FAM135B: variants seen among roughly 807,000 people sequenced by gnomAD.
The protein encoded by FAM135B is family with sequence similarity 135 member B, also known as protein FAM135B.
Under a neutral mutation model 127.7 loss-of-function variants are expected in FAM135B, and 43 were observed. The ratio of observed to expected loss-of-function variants is 0.34; its 90% CI spans 0.26 to 0.43. FAM135B has a LOEUF of 0.43. Ranked by LOEUF, FAM135B falls within the 20% of genes least tolerant of loss-of-function variation. The pLI is 1.00. For synonymous variants in FAM135B, 670 were observed against 665.1 expected (o/e 1.01, Z -0.11); for missense variants, 1,558 against 1,725.6 (o/e 0.90, Z 1.72).
rs73715549 is a variant in FAM135B at position 138,232,340 on chromosome 8, C to T, written c.669+10602G>A. Among the ~76,000 whole-genome samples, 1,423 of 152,288 alleles carry T rather than the reference C, an allele frequency of 9.3e-3. 20 individuals are homozygous for T. Among genetic ancestry groups the T allele is most frequent in the African/African-American group, 0.031 (1,270 of 41,560 alleles). ...CATGCCCAGAAATACTGGTGTGGAG[C>T]ATGGCTTCAGAAGGCAGACAATGTG... On this transcript the variant is annotated intron_variant, in intron 7 of 19. Coordinates refer to ENST00000395297, the MANE Select transcript of FAM135B (RefSeq NM_015912.4).
rs367856328 is a variant in FAM135B, at chr8:138,424,760, A to T, written c.-19-56758T>A. Among the ~76,000 whole-genome samples the T allele has an allele frequency of 5.9e-5, 9 of 152,314 alleles. No individual in the cohort carries two copies. In the East Asian group the frequency reaches 7.7e-4, roughly 13 times the overall value. ...TAGTGCCTCTACTTATTGGATACTT[A>T]GTTGTTGTCTCAATAAATAAACTGA... On this transcript the variant is annotated intron_variant, in intron 1 of 19. Coordinates refer to ENST00000395297, the MANE Select transcript of FAM135B (RefSeq NM_015912.4).
intron 1 of FAM135B, among the ~76,000 whole-genome samples, chr8:138,421,630 T>C (rs1834516409): frequency 6.6e-6 from 1 of 152,052 alleles, no homozygotes; most frequent in Non-Finnish European, 1.5e-5. Flanking sequence ...CTGAAAAAAG[T>C]CAGAAATGAC....
intron 3 of FAM135B, among the ~76,000 whole-genome samples, chr8:138,285,540 A>G (rs1030719446): frequency 1.3e-5 from 2 of 152,200 alleles, no homozygotes; most frequent in African/African-American, 4.8e-5. Context: ...GGACGTATAC[A>G]ATAATATCAA....
intron 2 of FAM135B, among the ~76,000 whole-genome samples, chr8:138,350,031 G>A (rs1349195778): frequency 6.6e-6 from 1 of 152,152 alleles, no homozygotes; most frequent in East Asian, 1.9e-4. Flanking sequence ...GTTCAGATGA[G>A]AGAGATTAAG....
chr8:138,349,591 T>C (rs1034283822), intron 2 of FAM135B, among the ~76,000 whole-genome samples: 4 of 152,166 alleles, frequency 2.6e-5, no homozygotes, highest in African/African-American at 9.7e-5. Flanking sequence ...ACATTTGACA[T>C]ACGGCTGGCC....
rs563631832 is a variant in FAM135B at position 138,306,052 on chromosome 8, C to A, written c.157+4789G>T. ...ATGAAGTTTCTGAAAATCCCCATCA[C>A]ACTTTTACTAAGAAAAATTTATGTT... On this transcript the variant is annotated intron_variant, in intron 3 of 19. Transcript: ENST00000395297. Among the ~76,000 whole-genome samples, 166 of 152,282 alleles carry A rather than the reference C, an allele frequency of 1.1e-3. 1 individual carries two copies. Among genetic ancestry groups the A allele is most frequent in the African/African-American group, 3.8e-3 (157 of 41,560 alleles).
At chr8:138,398,240 T>C (rs565609711) in intron 1 of FAM135B, among the ~76,000 whole-genome samples, 1 of 152,320 alleles carries the variant, frequency 6.6e-6, no homozygotes, top group East Asian at 1.9e-4. Context: ...AGCAAGGTGC[T>C]TGACCCCCAG....
chr8:138,288,872 C>T (rs575932959), intron 3 of FAM135B, among the ~76,000 whole-genome samples: 3 of 152,308 alleles, frequency 2.0e-5, no homozygotes, highest in South Asian at 2.1e-4. Flanking sequence ...ATCTAACTTG[C>T]TGAGCTTTGG....
intron 2 of FAM135B, among the ~76,000 whole-genome samples, chr8:138,337,039 CT>C: frequency 6.6e-6 from 1 of 152,230 alleles, no homozygotes; most frequent in South Asian, 2.1e-4. Context: ...CAGAAAAGGC[CT>C]TTGACAAAAT....
intron 1 of FAM135B, among the ~76,000 whole-genome samples, chr8:138,494,834 T>C (rs1266148968): frequency 8.5e-6 from 1 of 117,248 alleles, no homozygotes; most frequent in African/African-American, 5.4e-5. Flanking sequence ...CTGTTTATAC[T>C]GTAAAAAAAA....
At chr8:138,156,108 A>G (rs919490660) in intron 12 of FAM135B, among the ~76,000 whole-genome samples, 61 of 152,224 alleles carry the variant, frequency 4.0e-4, no homozygotes, top group African/African-American at 1.2e-3. Context: ...CTCAGACCAT[A>G]GTGCAATCAA....
chr8:138,313,922 C>T (rs1826882432), intron 2 of FAM135B, among the ~76,000 whole-genome samples: 2 of 151,418 alleles, frequency 1.3e-5, no homozygotes, highest in South Asian at 2.1e-4. Context: ...CACTCGGGTG[C>T]CCAACTGAGG....
At chr8:138,138,788 C>T (rs930438459) in intron 18 of FAM135B, among the ~76,000 whole-genome samples, 198 bp downstream of exon 18, 1 of 152,226 alleles carries the variant, frequency 6.6e-6, no homozygotes, top group Non-Finnish European at 1.5e-5. Flanking sequence ...CTCTCACGTG[C>T]CATATGGGCA....
chr8:138,249,934 G>T (rs575058961), intron 6 of FAM135B, among the ~76,000 whole-genome samples: 3 of 152,314 alleles, frequency 2.0e-5, no homozygotes, highest in African/African-American at 7.2e-5. Flanking sequence ...ATGAAGACAG[G>T]TGAGCATGGT....
At chr8:138,278,515 A>G (rs1824006909) in intron 3 of FAM135B, among the ~76,000 whole-genome samples, 3 of 150,498 alleles carry the variant, frequency 2.0e-5, no homozygotes. Flanking sequence ...CTGGGGGAGA[A>G]CTGAAAGGTT....
intron 1 of FAM135B, among the ~76,000 whole-genome samples, chr8:138,389,580 C>T (rs2131319332): frequency 6.6e-6 from 1 of 152,274 alleles, no homozygotes; most frequent in South Asian, 2.1e-4. Flanking sequence ...AGGACAAACA[C>T]TGTATGATTT....
At chr8:138,138,588 C>T (rs1816859952) in intron 18 of FAM135B, among the ~76,000 whole-genome samples, 1 of 152,232 alleles carries the variant, frequency 6.6e-6, no homozygotes, top group Non-Finnish European at 1.5e-5. Context: ...GACAATGACC[C>T]CCGTCTCCCA....
chr8:138,403,038 A>C (rs1833239365), intron 1 of FAM135B, among the ~76,000 whole-genome samples: 1 of 152,200 alleles, frequency 6.6e-6, no homozygotes, highest in Non-Finnish European at 1.5e-5. Flanking sequence ...TAAATGGCAA[A>C]TCAGCTCGTA....
At chr8:138,481,118 C>G (rs1814762501) in intron 1 of FAM135B, among the ~76,000 whole-genome samples, 1 of 152,208 alleles carries the variant, frequency 6.6e-6, no homozygotes, top group Non-Finnish European at 1.5e-5. Flanking sequence ...CTGCCTTGCT[C>G]TCAACAGCAT....
Sources: gnomAD v4.1 joint callset for allele counts (sites outside exome capture counted in the v4.1 genomes callset) on GRCh38, gnomAD v4.1.1 for gene constraint, MANE v1.5 for transcripts, NCBI Gene and HGNC (gene_info 2026-07-23, HGNC 2026-07-21) for gene names.